Variants in NF2 observed in about 807,000 individuals in gnomAD.
The protein encoded by NF2 is merlin.
NF2 carries 8 observed loss-of-function variants against 83.7 expected under a neutral mutation model. The ratio of observed to expected loss-of-function variants is 0.10; its 90% CI spans 0.06 to 0.17. NF2 has a LOEUF of 0.17. Ranked by LOEUF, NF2 falls within the 10% of genes least tolerant of loss-of-function variation. The probability of loss-of-function intolerance (pLI) is 1.00; values close to 1 mark genes in which losing one functional copy is unlikely to be tolerated. For missense variants in NF2, 533 were observed against 744.4 expected, an observed-to-expected ratio of 0.72 and a Z score of 3.31; for synonymous variants, 266 against 269.6, an observed-to-expected ratio of 0.99 and a Z score of 0.13.
At chr22:29,641,374 A>C (rs1306362708) in intron 3 of NF2, among the ~76,000 whole-genome samples, 3 of 152,214 alleles carry the variant, frequency 2.0e-5, no homozygotes, top group Admixed American at 6.5e-5. Context: ...CTTTCTTGTA[A>C]GTACTTGGAA....
intron 3 of NF2, among the ~76,000 whole-genome samples, chr22:29,639,625 CTGT>C (rs1368966024): frequency 2.6e-5 from 4 of 152,112 alleles, no homozygotes; most frequent in African/African-American, 9.7e-5. Flanking sequence ...TGGCTCAGGC[CTGT>C]AATCCCAGCA....
Position 29,673,251 on chromosome 22 carries a change from G to C in NF2, c.1123-18G>C, listed in dbSNP as rs1439195208. ...CAGCACATGATCCCACTTCAGCTAA[G>C]AGCACTGTGCCCTCCAGATGCGGTC... is the stretch of plus-strand genomic sequence containing the variant. On this transcript the variant is annotated intron_variant, in intron 11 of 15. Coordinates refer to ENST00000338641, the MANE Select transcript of NF2 (RefSeq NM_000268.4). The C allele has an allele frequency of 1.2e-5, 18 of 1,556,574 alleles. No individual in the cohort carries two copies. The East Asian group carries it at 3.8e-4, about 33-fold the overall frequency.
chr22:29,660,819 G>A (rs777905018), intron 7 of NF2, among the ~76,000 whole-genome samples: 3 of 152,092 alleles, frequency 2.0e-5, no homozygotes, highest in Non-Finnish European at 4.4e-5. Context: ...CGCCCGCCTC[G>A]GCCTCCCAAA....
In NF2 at chr22:29,674,914, G is replaced by A. The variant is rs2147093470; in HGVS notation, c.1419G>A (p.Leu473=). 3.8e-6 allele frequency: 6 copies of A among 1,572,566 alleles called. No individual in the cohort carries two copies. The highest frequency in any genetic ancestry group is 5.2e-6 in the Non-Finnish European group (6 of 1,158,128). ...EAERRAKQKL[L]EIATKPTYPP... ...AGCGAAGAGCCAAGCAGAAGCTCCT[G>A]GAGATTGCCACCAAGCCCACGTACC... is the stretch of plus-strand genomic sequence containing the variant. The change falls in exon 13 of 16, where the codon CTG becomes CTA. Residue 473 remains leucine, a synonymous_variant. Coordinates refer to ENST00000338641, the MANE Select transcript of NF2 (RefSeq NM_000268.4).
At chr22:29,689,638 C>G (rs892849279) in intron 15 of NF2, among the ~76,000 whole-genome samples, 11 of 152,110 alleles carry the variant, frequency 7.2e-5, no homozygotes, top group Admixed American at 7.2e-4. Context: ...TTCTCCTCCC[C>G]TGGGATGAGT....
At chr22:29,637,973 C>T (rs964794720) in intron 2 of NF2, among the ~76,000 whole-genome samples, 5 of 152,118 alleles carry the variant, frequency 3.3e-5, no homozygotes, top group Non-Finnish European at 5.9e-5. Context: ...TTTCATGATT[C>T]TTAGCAAAGT....
rs1450015176 is a variant in NF2 at position 29,698,101 on chromosome 22, C to A, written c.*3299C>A. ...GTGTGCAGCTGTGTGGCACAGATGG[C>A]TTCGTTCATCCTGATCAAGGCCCCA... On this transcript the variant is annotated 3_prime_UTR_variant, in exon 16 of 16. Transcript: ENST00000338641. 6 of 231,016 alleles carry A rather than the reference C, an allele frequency of 2.6e-5. No individual in the cohort carries two copies. The highest frequency in any genetic ancestry group is 5.1e-5 in the Non-Finnish European group (6 of 116,652). 14.3% of individuals were successfully genotyped at this position (231,016 alleles called of 1,614,324 possible).
chr22:29,644,029 C>T (rs1404272468), intron 4 of NF2, among the ~76,000 whole-genome samples: 18 of 150,704 alleles, frequency 1.2e-4, no homozygotes, highest in Non-Finnish European at 2.4e-4. Context: ...CTGACCCCCC[C>T]ACCTCCCTCC....
chr22:29,648,371 G>GA (rs2066045451), intron 4 of NF2, among the ~76,000 whole-genome samples: 1 of 152,030 alleles, frequency 6.6e-6, no homozygotes, highest in Non-Finnish European at 1.5e-5. Flanking sequence ...TCAAGAAAAA[G>GA]AAAAAACAAC....
intron 10 of NF2, 136 bp from the exon 11 acceptor site, chr22:29,671,690 A>C: frequency 8.1e-7 from 1 of 1,232,150 alleles, no homozygotes. Flanking sequence ...AATAAGAATG[A>C]CCCTGGCTAC....
At position 29,694,788 on chromosome 22, in the gene NF2, T is replaced by C. The variant is rs764972504; in HGVS notation, c.1774T>C (p.Phe592Leu). 79 of 1,613,414 alleles carry C rather than the reference T, an allele frequency of 4.9e-5. 2 individuals carry two copies. Among genetic ancestry groups the C allele is most frequent in the South Asian group, 2.0e-4 (18 of 90,932 alleles). ...LQSAKSRVAF[F>L]EEL is the part of the protein sequence containing the mutation. ...GAGCGCCAAGTCCCGAGTGGCCTTC[T>C]TTGAAGAGCTCTAGCAGGTGACCCA... The change falls in exon 16 of 16, where the codon TTT becomes CTT. Residue 592 changes from phenylalanine (F) to leucine (L), a missense_variant. Physicochemically the swap from Phe to Leu is conservative, Grantham distance 22 (BLOSUM62 0). Around this residue, in one of 3 missense-constraint regions of NF2, gnomAD observed 199 missense variants for 240.7 expected, o/e 0.83. Coordinates refer to ENST00000338641, the MANE Select transcript of NF2 (RefSeq NM_000268.4). This position sits in a 1 kb window ranked among gnomAD's most constrained non-coding sequence, Gnocchi z 4.1.
chr22:29,634,323 CTG>C (rs1176067133), intron 1 of NF2, among the ~76,000 whole-genome samples: 1 of 152,230 alleles, frequency 6.6e-6, no homozygotes, highest in African/African-American at 2.4e-5. Flanking sequence ...GCACTTCTCA[CTG>C]TATTGCAAGT....
intron 1 of NF2, among the ~76,000 whole-genome samples, chr22:29,634,723 A>C (rs938004463): frequency 1.3e-5 from 2 of 152,194 alleles, no homozygotes; most frequent in African/African-American, 4.8e-5. Flanking sequence ...AAATAGAGAC[A>C]AGAGGATAAT....
intron 7 of NF2, among the ~76,000 whole-genome samples, chr22:29,660,583 G>A (rs1346160460): frequency 6.6e-6 from 1 of 151,618 alleles, no homozygotes; most frequent in African/African-American, 2.4e-5. Flanking sequence ...TTTTTGTTTT[G>A]TTTTTTAACG....
At chr22:29,661,435 CAT>C in intron 8 of NF2, 96 bp downstream of exon 8, 2 of 1,540,610 alleles carry the variant, frequency 1.3e-6, no homozygotes, top group Non-Finnish European at 1.8e-6. Flanking sequence ...CCTTGTTATT[CAT>C]AGAGTCCTTT....
At chr22:29,606,638 C>T (rs187563873) in intron 1 of NF2, among the ~76,000 whole-genome samples, 10 of 152,332 alleles carry the variant, frequency 6.6e-5, no homozygotes, top group African/African-American at 2.2e-4. Flanking sequence ...TAAGAGGCAA[C>T]TGGGAGATCT....
intron 4 of NF2, among the ~76,000 whole-genome samples, chr22:29,652,285 A>G (rs778758104): frequency 6.6e-6 from 1 of 152,112 alleles, no homozygotes; most frequent in Non-Finnish European, 1.5e-5. Context: ...TGTGTCAAGC[A>G]TAGTTTTATT....
At chr22:29,691,100 G>C (rs866089811) in intron 15 of NF2, among the ~76,000 whole-genome samples, 12 of 152,338 alleles carry the variant, frequency 7.9e-5, no homozygotes, top group Middle Eastern at 6.8e-3. Flanking sequence ...AGGTGCTTCT[G>C]CTTCATTACC....
intron 4 of NF2, among the ~76,000 whole-genome samples, chr22:29,652,012 C>A (rs1264744204): frequency 6.6e-6 from 1 of 152,136 alleles, no homozygotes; most frequent in African/African-American, 2.4e-5. Flanking sequence ...CTGACTTTCA[C>A]CATAAGCCAT....
Sources: gnomAD v4.1 joint callset for allele counts (sites outside exome capture counted in the v4.1 genomes callset) on GRCh38, gnomAD v4.1.1 for gene constraint, gnomAD v4.1.1 regional missense constraint, Gnocchi (gnomAD v3.1) non-coding constraint, MANE v1.5 for transcripts, NCBI Gene and HGNC (gene_info 2026-07-23, HGNC 2026-07-21) for gene names.